CDH1: variants seen among roughly 807,000 people sequenced by gnomAD.
CDH1 encodes cadherin 1.
Under a neutral mutation model 84.5 loss-of-function variants are expected in CDH1, and 35 were observed. The observed-to-expected ratio is 0.41, with a 90% confidence interval of 0.32 to 0.55. The LOEUF is 0.55. Among genes scored for constraint, CDH1 ranks in the 20% least tolerant of loss-of-function variants. The pLI is 0.19. For synonymous variants in CDH1, 417 were observed against 439.0 expected, an observed-to-expected ratio of 0.95 and a Z score of 0.63; for missense variants, 994 against 1,126.6, an observed-to-expected ratio of 0.88 and a Z score of 1.68.
Position 68,806,946 on chromosome 16 carries a change from C to T in CDH1, c.388-1478C>T, listed in dbSNP as rs183307226. On this transcript the variant is annotated intron_variant, in intron 3 of 15. Coordinates refer to ENST00000261769, the MANE Select transcript of CDH1 (RefSeq NM_004360.5). ...GGTCATATCTCACATGTATCTGGTG[C>T]ATCTTCAATCTTAAAGCCAGAAAAT... Among the ~76,000 whole-genome samples the T allele has an allele frequency of 3.3e-5, 5 of 152,290 alleles. No individual in the cohort carries two copies. In the East Asian group the frequency reaches 9.7e-4, roughly 29 times the overall value.
At chr16:68,795,118 C>T (rs12599393) in intron 2 of CDH1, among the ~76,000 whole-genome samples, 40,494 of 152,032 alleles carry the variant, frequency 0.27, 5,558 homozygotes, top group Middle Eastern at 0.32. Flanking sequence ...GCTCAATAAA[C>T]CTGTAATGTT....
chr16:68,779,596 C>G (rs892802401), intron 2 of CDH1, among the ~76,000 whole-genome samples: 10 of 152,214 alleles, frequency 6.6e-5, no homozygotes, highest in African/African-American at 2.4e-4. Context: ...TGGCTCACAC[C>G]TGTAATCCCA....
At chr16:68,743,359 C>CTTTCTTTTCTTTTCTTTTCT (rs1555510236) in intron 2 of CDH1, among the ~76,000 whole-genome samples, 1 of 55,572 alleles carries the variant, frequency 1.8e-5, no homozygotes, top group African/African-American at 7.3e-5. Context: ...TTCTTTCTTT[C>CTTTCTTTTCTTTTCTTTTCT]TTTCTTTTCT....
rs1596977895 is a variant in CDH1, at chr16:68,834,431, G to A, written c.*932G>A. ...GGGGTCTTGCTATGTTGCCCAAGCT[G>A]GTCTTAAACTCCTGGCCTCAAGCAA... On this transcript the variant is annotated 3_prime_UTR_variant, in exon 16 of 16. Transcript: ENST00000261769. 2.9e-6 allele frequency: 1 copy of A among 348,314 alleles called. No homozygotes were observed. 21.6% of individuals were successfully genotyped at this position (348,314 alleles called of 1,614,324 possible). A position where few individuals can be genotyped will look rare whatever the true frequency, so the allele number is the denominator to read the frequency against.
chr16:68,785,443 C>T (rs1342751369), intron 2 of CDH1, among the ~76,000 whole-genome samples: 1 of 152,154 alleles, frequency 6.6e-6, no homozygotes, highest in African/African-American at 2.4e-5. Flanking sequence ...CCACCCACCT[C>T]AGCTTCCCAA....
intron 2 of CDH1, among the ~76,000 whole-genome samples, chr16:68,740,600 GT>G (rs1962539575): frequency 1.3e-5 from 2 of 152,086 alleles, no homozygotes; most frequent in South Asian, 4.1e-4. Flanking sequence ...TGGTGACTTT[GT>G]TTTCCTGCAC....
chr16:68,744,416 C>G (rs187218568), intron 2 of CDH1, among the ~76,000 whole-genome samples: 1 of 152,206 alleles, frequency 6.6e-6, no homozygotes, highest in East Asian at 1.9e-4. Context: ...CTCTTTCTCT[C>G]TCTATCCCCA....
At chr16:68,809,959 C>T (rs1014643392) in intron 5 of CDH1, among the ~76,000 whole-genome samples, 2 of 152,174 alleles carry the variant, frequency 1.3e-5, no homozygotes, top group African/African-American at 4.8e-5. Flanking sequence ...ATGCCCTGGT[C>T]CTCGTGTGGG....
intron 2 of CDH1, among the ~76,000 whole-genome samples, chr16:68,741,310 TCA>T (rs1962558409): frequency 6.6e-6 from 1 of 152,088 alleles, no homozygotes; most frequent in African/African-American, 2.4e-5. Flanking sequence ...TCTGGTAAAA[TCA>T]CACGTTCAAT....
At chr16:68,771,700 C>T (rs7199796) in intron 2 of CDH1, among the ~76,000 whole-genome samples, 16,271 of 150,670 alleles carry the variant, frequency 0.11, 1,068 homozygotes, top group East Asian at 0.23. Flanking sequence ...TGCAGTGAGC[C>T]GAGATCGCAC....
At chr16:68,822,342 A>G in intron 12 of CDH1, 117 bp downstream of exon 12, 1 of 755,310 alleles carries the variant, frequency 1.3e-6, no homozygotes. Flanking sequence ...TTCCATTGAT[A>G]CTTGCTTCCT....
In CDH1 at chr16:68,793,049, G is replaced by T. The variant is rs183230663; in HGVS notation, c.164-8621G>T. Among the ~76,000 whole-genome samples, 431 of 152,302 alleles carry T rather than the reference G, an allele frequency of 2.8e-3. 3 individuals carry two copies. The highest frequency in any genetic ancestry group is 9.6e-3 in the African/African-American group (401 of 41,560). Reference sequence around the variant, plus strand: ...TTCCAGTCCCTGGGAACCCATGGGGGTCGCCTGTCAACAGGGGTGCAGGAG... The same window carrying T: ...TTCCAGTCCCTGGGAACCCATGGGGTTCGCCTGTCAACAGGGGTGCAGGAG... On this transcript the variant is annotated intron_variant, in intron 2 of 15. Coordinates refer to ENST00000261769, the MANE Select transcript of CDH1 (RefSeq NM_004360.5).
chr16:68,749,033 T>C (rs1055021301), intron 2 of CDH1, among the ~76,000 whole-genome samples: 1 of 152,138 alleles, frequency 6.6e-6, no homozygotes, highest in Admixed American at 6.5e-5. Context: ...AGACGGGATT[T>C]CATCAGTTGG....
At chr16:68,743,560 T>G (rs900573281) in intron 2 of CDH1, among the ~76,000 whole-genome samples, 2 of 151,828 alleles carry the variant, frequency 1.3e-5, no homozygotes, top group Non-Finnish European at 2.9e-5. Flanking sequence ...GATTCGGGGT[T>G]TCACCATGAT....
At chr16:68,812,887 A>G (rs1248379278) in intron 8 of CDH1, among the ~76,000 whole-genome samples, 2 of 152,112 alleles carry the variant, frequency 1.3e-5, no homozygotes, top group African/African-American at 4.8e-5. Flanking sequence ...TAAAAATACA[A>G]AAATTAGCTG....
rs1057521296 is a variant in CDH1 at position 68,737,439 on chromosome 16, C to G, written c.24C>G (p.Leu8=). 3 of 1,535,522 alleles carry G rather than the reference C, an allele frequency of 2.0e-6. No individual in the cohort carries two copies. The highest frequency in any genetic ancestry group is 2.6e-6 in the Non-Finnish European group (3 of 1,147,398). The part of the protein sequence containing the change: MGPWSRS[L]SALLLLLQVS... The stretch of plus-strand genomic sequence containing the variant: ...CCATGGGCCCTTGGAGCCGCAGCCT[C>G]TCGGCGCTGCTGCTGCTGCTGCAGG... The change falls in exon 1 of 16, where the codon CTC becomes CTG. Residue 8 remains leucine, a synonymous_variant. Transcript: ENST00000261769.
intron 2 of CDH1, among the ~76,000 whole-genome samples, chr16:68,740,284 T>G (rs1259242649): frequency 6.6e-6 from 1 of 152,228 alleles, no homozygotes; most frequent in African/African-American, 2.4e-5. Context: ...CTTTACATTT[T>G]TTTTTTGAAC....
intron 2 of CDH1, among the ~76,000 whole-genome samples, chr16:68,772,983 C>T (rs1176136176): frequency 6.6e-6 from 1 of 152,102 alleles, no homozygotes; most frequent in Non-Finnish European, 1.5e-5. Flanking sequence ...GGTTTAGGAG[C>T]TCAGCACTCA....
chr16:68,801,881 C>A lies in CDH1; in HGVS notation c.375C>A (p.Pro125=), dbSNP rs773044699. Residue 125 remains proline (P), a synonymous_variant, in exon 3 of 16, where the codon CCC becomes CCA. Transcript: ENST00000261769. ...ATACAGTGGGGCACCACCACCGCCC[C>A]CCGCCCCATCAGGTATGTTGGCATT... ...TLNTVGHHHR[P]PPHQASVSGI... 9 of 1,613,440 alleles carry A rather than the reference C, an allele frequency of 5.6e-6. No homozygotes were observed. The African/African-American group carries it at 1.1e-4, about 19-fold the overall frequency.
Sources: gnomAD v4.1 joint callset for allele counts (sites outside exome capture counted in the v4.1 genomes callset) on GRCh38, gnomAD v4.1.1 for gene constraint, MANE v1.5 for transcripts, NCBI Gene and HGNC (gene_info 2026-07-23, HGNC 2026-07-21) for gene names.